The following SMIM41 variants were observed in gnomAD, a reference collection of about 807,000 sequenced individuals.
SMIM41 encodes small integral membrane protein 41.
chr12:52,103,652 G>A (rs577785459), intron 2 of SMIM41, among the ~76,000 whole-genome samples: 3 of 152,204 alleles, frequency 2.0e-5, no homozygotes, highest in South Asian at 2.1e-4. Context: ...CCAGCTACTC[G>A]GGAGACTGAG....
At chr12:52,094,093 T>C (rs1940049048) in intron 2 of SMIM41, among the ~76,000 whole-genome samples, 1 of 136,982 alleles carries the variant, frequency 7.3e-6, no homozygotes, top group Non-Finnish European at 1.5e-5. Context: ...ATTGCACCAC[T>C]GCACTCCAGC....
At chr12:52,080,852 C>G (rs1008000105) in intron 1 of SMIM41, among the ~76,000 whole-genome samples, 6 of 152,036 alleles carry the variant, frequency 3.9e-5, no homozygotes, top group African/African-American at 1.4e-4. Context: ...AGGCCCTTCC[C>G]TGGACCCTGC....
At chr12:52,089,408 A>T (rs141802697) in intron 2 of SMIM41, among the ~76,000 whole-genome samples, 12 of 152,114 alleles carry the variant, frequency 7.9e-5, no homozygotes, top group African/African-American at 2.9e-4. Flanking sequence ...CAGCCTGGGC[A>T]ACACAGTGAG....
rs531483176 is a variant in SMIM41, at chr12:52,106,827, C to G, written c.*196-552C>G. 3.9e-4 allele frequency among the ~76,000 whole-genome samples: 59 copies of G among 152,340 alleles called. No individual in the cohort carries two copies. In the South Asian group the frequency reaches 9.9e-3, roughly 26 times the overall value. ...TGTGGAACTATTTTCTGCTTATGAA[C>G]TATCAACTTTAAGTTCATTTCCAGA... On this transcript the variant is annotated intron_variant, in intron 2 of 2. Coordinates refer to ENST00000546390, the MANE Select transcript of SMIM41 (RefSeq NM_001369216.1).
At position 52,081,795 on chromosome 12, in the gene SMIM41, G is replaced by A. The variant is rs1341252656; in HGVS notation, c.*120+1614G>A. Among the ~76,000 whole-genome samples the A allele has an allele frequency of 1.3e-5, 2 of 152,164 alleles. No homozygotes were observed. Among genetic ancestry groups the A allele is most frequent in the African/African-American group, 4.8e-5 (2 of 41,434 alleles). ...GGGAACCCCTTTCTTTTACACGCGG[G>A]AGAACAGTAAGTGACATGCTCACAT... On this transcript the variant is annotated intron_variant, in intron 1 of 2. Coordinates refer to ENST00000546390, the MANE Select transcript of SMIM41 (RefSeq NM_001369216.1). This position sits in a 1 kb window ranked among gnomAD's most constrained non-coding sequence, Gnocchi z 4.1.
intron 2 of SMIM41, among the ~76,000 whole-genome samples, chr12:52,091,234 T>A (rs1180143213): frequency 6.6e-6 from 1 of 152,186 alleles, no homozygotes; most frequent in Non-Finnish European, 1.5e-5. Context: ...CCCCTCTGCG[T>A]TCCCATCACG....
At chr12:52,094,742 T>C (rs1216751278) in intron 2 of SMIM41, 1 of 152,724 alleles carries the variant, frequency 6.5e-6, no homozygotes, top group African/African-American at 2.4e-5. Flanking sequence ...GTCTAGGTGT[T>C]CTTTGGATTT....
At chr12:52,099,723 A>C (rs1248131388) in intron 2 of SMIM41, among the ~76,000 whole-genome samples, 3 of 152,076 alleles carry the variant, frequency 2.0e-5, no homozygotes, top group Non-Finnish European at 4.4e-5. Context: ...GGATATTAGG[A>C]ACAACATCAT....
chr12:52,100,356 C>A (rs745717508), intron 2 of SMIM41, among the ~76,000 whole-genome samples: 8 of 152,124 alleles, frequency 5.3e-5, no homozygotes, highest in Non-Finnish European at 1.0e-4. Context: ...GTGTACACCC[C>A]CTGCAATATT....
At chr12:52,095,301 C>T (rs761295081) in intron 2 of SMIM41, among the ~76,000 whole-genome samples, 8 of 150,768 alleles carry the variant, frequency 5.3e-5, no homozygotes, top group Non-Finnish European at 8.9e-5. Flanking sequence ...CTGGATATTA[C>T]GATCCACATC....
At chr12:52,106,742 C>T (rs1459201124) in intron 2 of SMIM41, among the ~76,000 whole-genome samples, 1 of 152,234 alleles carries the variant, frequency 6.6e-6, no homozygotes, top group Non-Finnish European at 1.5e-5. Flanking sequence ...TAAGCAATTA[C>T]TCTCTTGAAG....
intron 2 of SMIM41, among the ~76,000 whole-genome samples, chr12:52,090,127 A>T (rs1427535661): frequency 6.6e-6 from 1 of 152,052 alleles, no homozygotes; most frequent in Non-Finnish European, 1.5e-5. Context: ...CTGAAGTGTG[A>T]TGGTGTGATC....
intron 2 of SMIM41, among the ~76,000 whole-genome samples, chr12:52,098,988 C>T (rs1180977887): frequency 3.3e-5 from 5 of 151,918 alleles, no homozygotes; most frequent in Non-Finnish European, 1.5e-5. Context: ...ACACCCCCTG[C>T]GATATCGGGA....
intron 2 of SMIM41, among the ~76,000 whole-genome samples, chr12:52,095,361 C>T (rs1488076290): frequency 6.6e-6 from 1 of 151,952 alleles, no homozygotes; most frequent in African/African-American, 2.4e-5. Flanking sequence ...TCACCCCCCT[C>T]TCCCCCGCTG....
chr12:52,090,784 T>G (rs904177202), intron 2 of SMIM41, among the ~76,000 whole-genome samples: 3 of 152,190 alleles, frequency 2.0e-5, no homozygotes, highest in Non-Finnish European at 4.4e-5. Context: ...TGGAAATCCA[T>G]AGGTGGTTGG....
At chr12:52,085,802 C>T (rs527719346) in intron 2 of SMIM41, among the ~76,000 whole-genome samples, 2 of 152,270 alleles carry the variant, frequency 1.3e-5, no homozygotes, top group East Asian at 3.9e-4. Context: ...TGTCTGTGCA[C>T]CAAATCTGGG....
rs1379675460 is a variant in SMIM41 at position 52,081,582 on chromosome 12, CTG to C, written c.*120+1403_*120+1404del. Reference sequence around the variant, plus strand: ...GCCCTGAGGCGTGTGTGTAGTGTGTCTGTTACTGCACCTGGCACAGGCAGGGG... The same window carrying C: ...GCCCTGAGGCGTGTGTGTAGTGTGTCTTACTGCACCTGGCACAGGCAGGGG... On this transcript the variant is annotated intron_variant, in intron 1 of 2. Coordinates refer to ENST00000546390, the MANE Select transcript of SMIM41 (RefSeq NM_001369216.1). This position sits in a 1 kb window ranked among gnomAD's most constrained non-coding sequence, Gnocchi z 4.1. Among the ~76,000 whole-genome samples, 1 of 152,088 alleles carries C rather than the reference CTG, an allele frequency of 6.6e-6. No homozygotes were observed. The highest frequency in any genetic ancestry group is 1.5e-5 in the Non-Finnish European group (1 of 67,978).
rs747546143 is a variant in SMIM41, at chr12:52,107,659, C to G, written c.*476C>G. ...TCTCTCTTTGCCATTTTTGGAGGCA[C>G]GGAAGAGAGACATGCTCCTGAGTGT... On this transcript the variant is annotated 3_prime_UTR_variant, in exon 3 of 3. Coordinates refer to ENST00000546390, the MANE Select transcript of SMIM41 (RefSeq NM_001369216.1). 3.4e-5 allele frequency: 18 copies of G among 536,094 alleles called. No homozygotes were observed. The highest frequency in any genetic ancestry group is 6.2e-5 in the Non-Finnish European group (17 of 275,144). The allele number at this position is 536,094 out of a possible 1,614,324, so 33.2% of individuals were successfully genotyped here.
intron 2 of SMIM41, among the ~76,000 whole-genome samples, chr12:52,085,911 GC>G (rs1279003892): frequency 2.6e-5 from 4 of 152,214 alleles, no homozygotes; most frequent in African/African-American, 9.7e-5. Context: ...GATGAGCTCA[GC>G]TGTGGCTCCT....
Sources: allele counts gnomAD v4.1 joint callset (sites outside exome capture counted in the v4.1 genomes callset), GRCh38; gene constraint gnomAD v4.1.1; non-coding constraint Gnocchi (gnomAD v3.1); transcripts MANE v1.5; gene names NCBI Gene and HGNC (gene_info 2026-07-23, HGNC 2026-07-21).